Variants in THUMPD2 observed in about 807,000 individuals in gnomAD.
THUMPD2 encodes the protein U6 snRNA (guanine-N(2))-methyltransferase THUMPD2.
A neutral mutation model predicts 49.4 loss-of-function variants in THUMPD2; 56 were observed. The ratio of observed to expected loss-of-function variants is 1.13; its 90% CI spans 0.91 to 1.41. The LOEUF (loss-of-function observed/expected upper bound fraction) is 1.41. THUMPD2 is among the 40% of genes most tolerant of loss of function. The pLI, the probability that THUMPD2 is intolerant of heterozygous loss-of-function variation, is 0.00. For synonymous variants in THUMPD2, 237 were observed against 205.2 expected, an observed-to-expected ratio of 1.15 and a Z score of -1.32; for missense variants, 709 against 594.5, an observed-to-expected ratio of 1.19 and a Z score of -2.00.
chr2:39,776,488 G>C (rs1370989675), intron 1 of THUMPD2, among the ~76,000 whole-genome samples: 1 of 151,526 alleles, frequency 6.6e-6, no homozygotes, highest in Non-Finnish European at 1.5e-5. Flanking sequence ...CCGCCTCCAA[G>C]GTTCAAGCAA....
chr2:39,741,339 C>T (rs1673872782), intron 9 of THUMPD2, among the ~76,000 whole-genome samples: 1 of 152,162 alleles, frequency 6.6e-6, no homozygotes, highest in African/African-American at 2.4e-5. Flanking sequence ...TCCATGAACA[C>T]ACCTCCTGCT....
rs1009259399 is a variant in THUMPD2 at position 39,751,495 on chromosome 2, C to G, written c.1078+3800G>C. Among the ~76,000 whole-genome samples, 12 of 152,134 alleles carry G rather than the reference C, an allele frequency of 7.9e-5. No individual in the cohort carries two copies. The South Asian group carries it at 1.0e-3, about 13-fold the overall frequency. ...TTAAATCATAAATGTGTTTCTTTTG[C>G]TCAAATCTGTTTATGTTATAGTTTC... is the stretch of plus-strand genomic sequence containing the variant. On this transcript the variant is annotated intron_variant, in intron 8 of 9. Transcript: ENST00000505747.
chr2:39,778,868 A>C lies in THUMPD2; in HGVS notation c.126+246T>G, dbSNP rs1572906254. 3.3e-5 allele frequency among the ~76,000 whole-genome samples: 5 copies of C among 152,356 alleles called. No homozygotes were observed. In the South Asian group the frequency reaches 1.0e-3, roughly 32 times the overall value. On this transcript the variant is annotated intron_variant, in intron 1 of 9. Transcript: ENST00000505747. ...AAGAATCCAGGAAATAACTTGCCTC[A>C]ACACCTCTCTTAAAAACTTGAGCCC...
chr2:39,774,777 G>C (rs1159601116), intron 1 of THUMPD2, among the ~76,000 whole-genome samples: 1 of 151,902 alleles, frequency 6.6e-6, no homozygotes, highest in Non-Finnish European at 1.5e-5. Context: ...TTTCTTACCT[G>C]AAAATTTATT....
chr2:39,768,422 A>G lies in THUMPD2; in HGVS notation c.750+2T>C. ...ATATAAAATAAAACAAATACTCATT[A>G]CCTCTAATTGTGGATTCCTCAAGTC... On this transcript the variant is annotated splice_donor_variant, in intron 4 of 9. Transcript: ENST00000505747. LOFTEE classifies it high-confidence loss of function. The G allele has an allele frequency of 6.2e-7, 1 of 1,607,436 alleles. No homozygotes were observed. The highest frequency in any genetic ancestry group is 8.5e-7 in the Non-Finnish European group (1 of 1,175,704).
chr2:39,772,707 T>C (rs1324647135), intron 1 of THUMPD2, among the ~76,000 whole-genome samples: 1 of 152,196 alleles, frequency 6.6e-6, no homozygotes, highest in Non-Finnish European at 1.5e-5. Context: ...GTGGGCTTTC[T>C]TGGAATTCTC....
Position 39,761,466 on chromosome 2 carries a change from A to C in THUMPD2, c.804-48T>G. ...ATATATTATTACACATTGAACAACA[A>C]GATATAAAAATGATTTACCTGTCCA... On this transcript the variant is annotated intron_variant, in intron 5 of 9. Coordinates refer to ENST00000505747, the MANE Select transcript of THUMPD2 (RefSeq NM_025264.5). 2 of 1,542,086 alleles carry C rather than the reference A, an allele frequency of 1.3e-6. 1 individual carries two copies. Among genetic ancestry groups the C allele is most frequent in the South Asian group, 2.2e-5 (2 of 88,990 alleles).
chr2:39,737,624 G>T (rs1461777303), intron 9 of THUMPD2, among the ~76,000 whole-genome samples: 2 of 152,214 alleles, frequency 1.3e-5, no homozygotes, highest in African/African-American at 4.8e-5. Context: ...CTTTGGGAGA[G>T]AGAGGCGAGT....
chr2:39,740,347 G>A (rs1308015688), intron 9 of THUMPD2, among the ~76,000 whole-genome samples: 8 of 152,156 alleles, frequency 5.3e-5, no homozygotes, highest in Non-Finnish European at 7.3e-5. Flanking sequence ...TGATCAGAAA[G>A]GAGATTCATG....
intron 4 of THUMPD2, among the ~76,000 whole-genome samples, chr2:39,767,764 T>TAAA (rs972645146): frequency 6.6e-6 from 1 of 152,064 alleles, no homozygotes. Flanking sequence ...AGCGCAAATC[T>TAAA]AAAAATAAAA....
At chr2:39,766,402 A>G (rs1323509659) in intron 4 of THUMPD2, among the ~76,000 whole-genome samples, 1 of 152,174 alleles carries the variant, frequency 6.6e-6, no homozygotes, top group African/African-American at 2.4e-5. Flanking sequence ...AGGAATTATC[A>G]TAAGTGGACC....
chr2:39,751,433 A>G (rs1455918690), intron 8 of THUMPD2, among the ~76,000 whole-genome samples: 2 of 152,244 alleles, frequency 1.3e-5, no homozygotes, highest in African/African-American at 2.4e-5. Flanking sequence ...GGAAGGAAAG[A>G]AAATATTTCC....
chr2:39,771,926 C>T (rs1678377880), intron 1 of THUMPD2, among the ~76,000 whole-genome samples: 1 of 152,128 alleles, frequency 6.6e-6, no homozygotes, highest in Non-Finnish European at 1.5e-5. Flanking sequence ...GAAGACCTAC[C>T]TGTAGGCTAC....
rs772755969 is a variant in THUMPD2, at chr2:39,769,732, A to G, written c.650T>C (p.Ile217Thr). 6 of 1,574,938 alleles carry G rather than the reference A, an allele frequency of 3.8e-6. No individual in the cohort carries two copies. Among genetic ancestry groups the G allele is most frequent in the East Asian group, 2.3e-5 (1 of 43,326 alleles). ...TACCTGTGCAGTGAAGGCCTTTCCAATAGTTCCACTGCAGCGACAAGATAC... is the reference window on the plus strand; with the variant it reads ...TACCTGTGCAGTGAAGGCCTTTCCAGTAGTTCCACTGCAGCGACAAGATAC... ...FRVSCRCSGTIGKAFTAQEVG... is the reference protein window; with the variant it reads ...FRVSCRCSGTTGKAFTAQEVG... The change falls in exon 3 of 10, where the codon ATT becomes ACT. Residue 217 changes from isoleucine to threonine, a missense_variant. Physicochemically the swap from Ile to Thr is moderately conservative, Grantham distance 89. Coordinates refer to ENST00000505747, the MANE Select transcript of THUMPD2 (RefSeq NM_025264.5).
Position 39,736,851 on chromosome 2 carries a change from A to C in THUMPD2, c.1396T>G (p.Leu466Val), listed in dbSNP as rs1673145036. 6.2e-7 allele frequency: 1 copy of C among 1,614,116 alleles called. No individual in the cohort carries two copies. The highest frequency in any genetic ancestry group is 8.5e-7 in the Non-Finnish European group (1 of 1,180,044). Reference sequence around the variant, plus strand: ...GAGCCAAATGGTGACATTCTGTCTAAGAATTTGTGGTTACTGGCTTCGAAT... The same window carrying C: ...GAGCCAAATGGTGACATTCTGTCTACGAATTTGTGGTTACTGGCTTCGAAT... Reference protein sequence around the residue: ...TSFEASNHKFLDRMSPFGSLV... With the variant: ...TSFEASNHKFVDRMSPFGSLV... The change falls in exon 10 of 10, where the codon TTA (leucine) becomes GTA (valine). Residue 466 changes from leucine to valine, a missense_variant. Leu to Val is a conservative substitution (Grantham distance 32, BLOSUM62 1). Transcript: ENST00000505747.
intron 6 of THUMPD2, among the ~76,000 whole-genome samples, chr2:39,759,961 A>T (rs1052802558): frequency 1.3e-5 from 2 of 152,242 alleles, no homozygotes; most frequent in African/African-American, 4.8e-5. Context: ...ACAGGGCAAG[A>T]CAAAGAGAAG....
intron 1 of THUMPD2, among the ~76,000 whole-genome samples, chr2:39,772,530 C>G (rs572089863): frequency 3.3e-5 from 5 of 152,218 alleles, no homozygotes; most frequent in Admixed American, 1.3e-4. Flanking sequence ...ACATATGCAT[C>G]AAACAGAAAC....
chr2:39,747,716 G>A (rs573625335), intron 8 of THUMPD2, among the ~76,000 whole-genome samples: 128 of 152,160 alleles, frequency 8.4e-4, no homozygotes, highest in Non-Finnish European at 1.5e-3. Context: ...ACAAGTTCTA[G>A]TAAATGAAAT....
At chr2:39,776,206 G>A (rs1241905927) in intron 1 of THUMPD2, among the ~76,000 whole-genome samples, 1 of 152,000 alleles carries the variant, frequency 6.6e-6, no homozygotes, top group Admixed American at 6.6e-5. Context: ...TGTGTTTGTA[G>A]ATATGTAAAT....
Sources: allele counts gnomAD v4.1 joint callset (sites outside exome capture counted in the v4.1 genomes callset), GRCh38; gene constraint gnomAD v4.1.1; transcripts MANE v1.5; gene names NCBI Gene and HGNC (gene_info 2026-07-23, HGNC 2026-07-21).